Variants in ACAA1 observed in about 807,000 individuals in gnomAD.
The protein encoded by ACAA1 is acetyl-CoA acyltransferase 1.
Under a neutral mutation model 48.8 loss-of-function variants are expected in ACAA1, and 44 were observed. The observed-to-expected ratio is 0.90, with a 90% CI of 0.71 to 1.16. The LOEUF (loss-of-function observed/expected upper bound fraction) is 1.16, where lower values mean the gene tolerates loss of function less well. Ranked by LOEUF, ACAA1 falls within the 50% of genes most tolerant of loss-of-function variation. The pLI is 0.00. For missense variants in ACAA1, 512 were observed against 562.3 expected (o/e 0.91, Z 0.90); for synonymous variants, 233 against 226.5 (o/e 1.03, Z -0.26).
At chr3:38,134,439 A>T (rs1396004789) in intron 2 of ACAA1, 8 of 453,674 alleles carry the variant, frequency 1.8e-5, no homozygotes, top group South Asian at 9.6e-5. Flanking sequence ...ATATTGCTGT[A>T]TTTCAAGGTG....
At chr3:38,127,506 G>A (rs1223764595) in intron 7 of ACAA1, 2 of 493,018 alleles carry the variant, frequency 4.1e-6, no homozygotes, top group Non-Finnish European at 7.4e-6. Flanking sequence ...AGGCTACAAT[G>A]TCCAGTCCCC....
intron 1 of ACAA1, 47 bp downstream of exon 1, chr3:38,136,818 C>G: frequency 1.3e-6 from 2 of 1,487,098 alleles, no homozygotes; most frequent in Non-Finnish European, 1.8e-6. Context: ...GACCCCAGCC[C>G]GCGCCGGCGT....
rs910055190 is a variant in ACAA1 at position 38,137,101 on chromosome 3, G to T, written c.-66C>A. 1 of 1,305,080 alleles carries T rather than the reference G, an allele frequency of 7.7e-7. No individual in the cohort carries two copies. Among genetic ancestry groups the T allele is most frequent in the Non-Finnish European group, 1.0e-6 (1 of 962,878 alleles). The allele number at this position is 1,305,080 out of a possible 1,614,324, so 80.8% of individuals were successfully genotyped here. ...CTGACCGCGGAGTTAACAGACAGCCGTCCGCACACGCGCAGAACCACATCT... is the reference window on the plus strand; with the variant it reads ...CTGACCGCGGAGTTAACAGACAGCCTTCCGCACACGCGCAGAACCACATCT... On this transcript the variant is annotated 5_prime_UTR_variant, in exon 1 of 12. Transcript: ENST00000333167.
rs757346816 is a variant in ACAA1, at chr3:38,136,717, C to A, written c.172-32G>T. 7 of 1,577,118 alleles carry A rather than the reference C, an allele frequency of 4.4e-6. No individual in the cohort carries two copies. In the South Asian group the frequency reaches 8.2e-5, roughly 18 times the overall value. On this transcript the variant is annotated intron_variant, in intron 1 of 11. Transcript: ENST00000333167. The stretch of plus-strand genomic sequence containing the variant: ...CAGAAAGAGCAGCCGCAGTGACCCC[C>A]ACTCCCCCATGCCCACCCCAGGGAG...
intron 4 of ACAA1, 88 bp downstream of exon 4, chr3:38,131,838 G>A: frequency 1.5e-6 from 2 of 1,365,622 alleles, no homozygotes; most frequent in Non-Finnish European, 2.1e-6. Context: ...CCTCAGAAAT[G>A]GTAATTATTG....
At chr3:38,133,712 T>A in intron 3 of ACAA1, 1 of 551,224 alleles carries the variant, frequency 1.8e-6, no homozygotes, top group Non-Finnish European at 3.3e-6. Context: ...CAACCTGGCT[T>A]TGGCTAAAAA....
intron 10 of ACAA1, 27 bp downstream of exon 10, chr3:38,125,799 A>C (rs1175517704): frequency 1.2e-6 from 2 of 1,614,000 alleles, no homozygotes; most frequent in African/African-American, 2.7e-5. Context: ...TCCAGGGCAA[A>C]GGCAACATTG....
intron 2 of ACAA1, chr3:38,134,585 T>G (rs183180985): frequency 2.2e-6 from 1 of 452,640 alleles, no homozygotes; most frequent in East Asian, 7.0e-5. Context: ...TGCTTTGAGA[T>G]GCTGTTAATC....
At chr3:38,134,421 G>T in intron 2 of ACAA1, 1 of 450,522 alleles carries the variant, frequency 2.2e-6, no homozygotes. Flanking sequence ...TAAGACTCTT[G>T]CCATATCATA....
chr3:38,130,728 C>T (rs1200982991), intron 5 of ACAA1, among the ~76,000 whole-genome samples: 1 of 152,268 alleles, frequency 6.6e-6, no homozygotes. Flanking sequence ...ACGGCAGTGG[C>T]CTTTGCCCAG....
chr3:38,125,801 G>A (rs1700668314), intron 10 of ACAA1, 25 bp downstream of exon 10: 1 of 1,614,064 alleles, frequency 6.2e-7, no homozygotes, highest in Admixed American at 1.7e-5. Flanking sequence ...CAGGGCAAAG[G>A]CAACATTGAG....
chr3:38,126,590 T>TC lies in ACAA1; in HGVS notation c.736dup (p.Glu246GlyfsTer31). 2 of 1,614,188 alleles carry TC rather than the reference T, an allele frequency of 1.2e-6. No individual in the cohort carries two copies. Among genetic ancestry groups the TC allele is most frequent in the Non-Finnish European group, 1.7e-6 (2 of 1,180,028 alleles). ...CATGGTGGTGCTGGGGCGGATACCC[T>TC]CATCCTGGGTCACAGTGATGCTCCT... On this transcript the variant is annotated frameshift_variant, in exon 8 of 12. Transcript: ENST00000333167. LOFTEE classifies it high-confidence loss of function. This position sits in a 1 kb window ranked among gnomAD's most constrained non-coding sequence, Gnocchi z 4.7.
chr3:38,135,841 C>A (rs575703716), intron 2 of ACAA1, among the ~76,000 whole-genome samples: 125 of 152,242 alleles, frequency 8.2e-4, no homozygotes, highest in Non-Finnish European at 1.3e-3. Context: ...AGGCCTTCCT[C>A]TTTTACTAAT....
rs747265048 is a variant in ACAA1, at chr3:38,133,957, A to C, written c.318T>G (p.Phe106Leu). ...AGAIMARIAQ[F>L]LSDIPETVPL... The stretch of plus-strand genomic sequence containing the variant: ...CTAGAACTAGAAAAGTTTACCTCAG[A>C]AACTGGGCGATTCGGGCCATGATTG... The change falls in exon 3 of 12, where the codon TTT becomes TTG. Residue 106 changes from phenylalanine to leucine, a missense_variant. By Grantham distance (22) the Phe-to-Leu change is conservative. Transcript: ENST00000333167. 2 of 1,614,100 alleles carry C rather than the reference A, an allele frequency of 1.2e-6. No homozygotes were observed. Among genetic ancestry groups the C allele is most frequent in the African/African-American group, 2.7e-5 (2 of 74,932 alleles).
At chr3:38,128,348 C>CA (rs1399066566) in intron 6 of ACAA1, among the ~76,000 whole-genome samples, 2 of 152,206 alleles carry the variant, frequency 1.3e-5, no homozygotes, top group Non-Finnish European at 2.9e-5. Flanking sequence ...GCTTCCTGGT[C>CA]ACCTTGGCTG....
rs1435008588 is a variant in ACAA1 at position 38,136,967 on chromosome 3, G to A, written c.69C>T (p.Ala23=). 5 of 1,554,046 alleles carry A rather than the reference G, an allele frequency of 3.2e-6. No homozygotes were observed. Among genetic ancestry groups the A allele is most frequent in the Non-Finnish European group, 4.3e-6 (5 of 1,151,964 alleles). The change falls in exon 1 of 12, where the codon GCC becomes GCT. Residue 23 remains alanine, a synonymous_variant. Transcript: ENST00000333167. ...GPADSGWMPQ[A]APCLSGAPQA... is the part of the protein sequence containing the mutation. ...GCGGGGCACCGCTCAGGCAAGGCGC[G>A]GCCTGCGGCATCCAGCCGGAATCGG...
intron 7 of ACAA1, 81 bp downstream of exon 7, chr3:38,127,705 T>C (rs2125766031): frequency 6.9e-7 from 1 of 1,443,290 alleles, no homozygotes; most frequent in Non-Finnish European, 9.7e-7. Flanking sequence ...AACCACGAAA[T>C]GGTGCCACTT....
At chr3:38,124,688 A>G (rs1456970460) in intron 11 of ACAA1, 1 of 145,434 alleles carries the variant, frequency 6.9e-6, no homozygotes, top group Non-Finnish European at 1.6e-5. Context: ...ATCTTTCACA[A>G]ACGCAGGTGC....
intron 5 of ACAA1, among the ~76,000 whole-genome samples, chr3:38,130,448 G>T (rs1404453664): frequency 6.6e-6 from 1 of 152,210 alleles, no homozygotes; most frequent in Non-Finnish European, 1.5e-5. Flanking sequence ...TGGTGACCCA[G>T]CCTGGATCCA....
Sources: gnomAD v4.1 joint callset for allele counts (sites outside exome capture counted in the v4.1 genomes callset) on GRCh38, gnomAD v4.1.1 for gene constraint, Gnocchi (gnomAD v3.1) non-coding constraint, MANE v1.5 for transcripts, NCBI Gene and HGNC (gene_info 2026-07-23, HGNC 2026-07-21) for gene names.